The following SLFN12L variants were observed in gnomAD, a reference collection of about 807,000 sequenced individuals.
The protein encoded by SLFN12L is schlafen family member 12-like.
SLFN12L carries 34 observed loss-of-function variants against 34.8 expected under a neutral mutation model. The observed-to-expected ratio is 0.98, with a 90% CI of 0.74 to 1.30. The LOEUF (loss-of-function observed/expected upper bound fraction) is 1.30, where lower values mean the gene tolerates loss of function less well. Among genes scored for constraint, SLFN12L ranks in the 50% most tolerant of loss-of-function variants. The pLI is 0.00. For missense variants in SLFN12L, 703 were observed against 696.2 expected (o/e 1.01, Z -0.11); for synonymous variants, 259 against 247.5 (o/e 1.05, Z -0.44).
intron 2 of SLFN12L, among the ~76,000 whole-genome samples, chr17:35,497,180 C>T (rs950527489): frequency 6.6e-6 from 1 of 152,168 alleles, no homozygotes; most frequent in Non-Finnish European, 1.5e-5. Context: ...CACCTTAGGT[C>T]AGGAGTTCCA....
chr17:35,530,074 C>A (rs1047486900), intron 1 of SLFN12L, among the ~76,000 whole-genome samples: 58 of 149,544 alleles, frequency 3.9e-4, no homozygotes, highest in African/African-American at 1.4e-3. Flanking sequence ...TCATCTGTCA[C>A]GTCTTTTGGT....
rs553665405 is a variant in SLFN12L at position 35,477,469 on chromosome 17, G to A, written c.1276+606C>T. On this transcript the variant is annotated intron_variant, in intron 4 of 4. Coordinates refer to ENST00000628453, the MANE Select transcript of SLFN12L (RefSeq NM_001363830.2). ...AAACTGCTAGGGAGAATATGCCTTG[G>A]GAAAAGAGAAAATGCAAGTCATGAA... Among the ~76,000 whole-genome samples the A allele has an allele frequency of 1.3e-3, 195 of 152,120 alleles. 1 individual carries two copies. The highest frequency in any genetic ancestry group is 4.6e-3 in the African/African-American group (191 of 41,514).
At chr17:35,519,280 A>AT (rs1915930526) in intron 2 of SLFN12L, among the ~76,000 whole-genome samples, 1 of 152,194 alleles carries the variant, frequency 6.6e-6, no homozygotes, top group African/African-American at 2.4e-5. Flanking sequence ...TGGGTGCAGC[A>AT]AACTACCATG....
At chr17:35,476,261 T>C (rs183266492) in intron 4 of SLFN12L, among the ~76,000 whole-genome samples, 5 of 152,106 alleles carry the variant, frequency 3.3e-5, no homozygotes, top group Admixed American at 2.0e-4. Context: ...CAAATTTCCC[T>C]CAACTCACTG....
At chr17:35,509,689 T>TA (rs1036758167) in intron 2 of SLFN12L, among the ~76,000 whole-genome samples, 1 of 151,870 alleles carries the variant, frequency 6.6e-6, no homozygotes. Context: ...TTAAATATTT[T>TA]AAAAAAAGAG....
intron 2 of SLFN12L, chr17:35,514,971 T>G (rs1915766323): frequency 2.2e-6 from 1 of 458,340 alleles, no homozygotes; most frequent in African/African-American, 2.0e-5. Flanking sequence ...AAGCTATATC[T>G]CTTCCAGGAA....
At chr17:35,515,659 T>TTTTTGG (rs1915801400) in intron 2 of SLFN12L, among the ~76,000 whole-genome samples, 1 of 81,968 alleles carries the variant, frequency 1.2e-5, no homozygotes, top group Non-Finnish European at 2.7e-5. Flanking sequence ...TTTTTTTTTT[T>TTTTTGG]GAGATGGAGT....
At chr17:35,477,808 G>A (rs988070076) in intron 4 of SLFN12L, among the ~76,000 whole-genome samples, 1 of 152,068 alleles carries the variant, frequency 6.6e-6, no homozygotes, top group Non-Finnish European at 1.5e-5. Context: ...ATTGCTGGTG[G>A]AAGTAAAGTG....
Position 35,522,596 on chromosome 17 carries a change from G to A in SLFN12L, c.-232C>T. ...GTGCCTGCAAAACTATAGGACGCAG[G>A]GTAATCCATCGGAGACACTGCAGCC... On this transcript the variant is annotated 5_prime_UTR_variant, in exon 2 of 5. Transcript: ENST00000628453. The A allele has an allele frequency of 6.2e-7, 1 of 1,609,902 alleles. No homozygotes were observed. The highest frequency in any genetic ancestry group is 1.1e-5 in the South Asian group (1 of 90,700).
chr17:35,531,943 C>G (rs747258088), intron 1 of SLFN12L, among the ~76,000 whole-genome samples: 6 of 151,974 alleles, frequency 3.9e-5, no homozygotes, highest in Admixed American at 6.6e-5. Flanking sequence ...CCTGACAACT[C>G]TCTTCTACAT....
At position 35,478,123 on chromosome 17, in the gene SLFN12L, G is replaced by T; in HGVS notation, c.1228C>A (p.Arg410Ser). 2 of 1,545,396 alleles carry T rather than the reference G, an allele frequency of 1.3e-6. No homozygotes were observed. Among genetic ancestry groups the T allele is most frequent in the South Asian group, 2.4e-5 (2 of 83,684 alleles). The change falls in exon 4 of 5, where the codon CGT becomes AGT. Residue 410 changes from arginine to serine, a missense_variant. Physicochemically the swap from Arg to Ser is moderately radical, Grantham distance 110. Coordinates refer to ENST00000628453, the MANE Select transcript of SLFN12L (RefSeq NM_001363830.2). ...SSPVSQSYPL[R>S]EYINFKIQPL... Reference sequence around the variant, plus strand: ...TGAATTTTGAAGTTAATATATTCACGAAGAGGATAACTCTGGGAGACAGGT... The same window carrying T: ...TGAATTTTGAAGTTAATATATTCACTAAGAGGATAACTCTGGGAGACAGGT...
At chr17:35,481,681 G>A (rs72826000) in intron 2 of SLFN12L, among the ~76,000 whole-genome samples, 214 of 152,044 alleles carry the variant, frequency 1.4e-3, no homozygotes, top group Non-Finnish European at 2.2e-3. Flanking sequence ...ACCAGGCTCC[G>A]CACCTTGGTG....
At chr17:35,487,854 C>A in intron 2 of SLFN12L, 2 of 1,154,994 alleles carry the variant, frequency 1.7e-6, no homozygotes, top group South Asian at 2.6e-5. Context: ...GCACTCGACT[C>A]CCCGGAAGTG....
chr17:35,468,690 A>T lies in SLFN12L; in HGVS notation c.*6233T>A, dbSNP rs1410767200. On this transcript the variant is annotated 3_prime_UTR_variant, in exon 5 of 5. Transcript: ENST00000628453. ...CCCGCACTCCTATGCCTGAAGGAAA[A>T]TTTAATAGTAGTTACCACTACCTAC... 6.6e-6 allele frequency among the ~76,000 whole-genome samples: 1 copy of T among 152,148 alleles called. No homozygotes were observed. The highest frequency in any genetic ancestry group is 1.5e-5 in the Non-Finnish European group (1 of 68,036).
rs762197058 is a variant in SLFN12L, at chr17:35,474,745, GA to G, written c.*177del. 3.3e-4 allele frequency: 168 copies of G among 503,194 alleles called. No homozygotes were observed. The highest frequency in any genetic ancestry group is 5.4e-4 in the Non-Finnish European group (161 of 297,422). The allele number at this position is 503,194 out of a possible 1,614,324, so 31.2% of individuals were successfully genotyped here. On this transcript the variant is annotated 3_prime_UTR_variant, in exon 5 of 5. Coordinates refer to ENST00000628453, the MANE Select transcript of SLFN12L (RefSeq NM_001363830.2). ...TCAAGACCAGCCTGGCCAAGACGGT[GA>G]AACCCCATCTCTGCTAAAAATACAA...
At position 35,479,929 on chromosome 17, in the gene SLFN12L, C is replaced by T. The variant is rs756013529; in HGVS notation, c.353G>A (p.Gly118Glu). The T allele has an allele frequency of 3.1e-6, 5 of 1,614,078 alleles. No individual in the cohort carries two copies. The Admixed American group carries it at 8.3e-5, about 27-fold the overall frequency. ...KGYSYKKDGI[G>E]LDLENSFSNM... is the part of the protein sequence containing the mutation. ...ACTAAAAGAATTTTCCAAATCTAGCCCTATTCCATCTTTTTTATAACTATA... is the reference window on the plus strand; with the variant it reads ...ACTAAAAGAATTTTCCAAATCTAGCTCTATTCCATCTTTTTTATAACTATA... The change falls in exon 3 of 5, where the codon GGG becomes GAG. Residue 118 changes from glycine to glutamate, a missense_variant. Coordinates refer to ENST00000628453, the MANE Select transcript of SLFN12L (RefSeq NM_001363830.2).
chr17:35,497,859 C>T (rs1368569679), intron 2 of SLFN12L, among the ~76,000 whole-genome samples: 3 of 151,932 alleles, frequency 2.0e-5, no homozygotes, highest in African/African-American at 7.3e-5. Flanking sequence ...ATACTAAAAC[C>T]CTCTCAATCT....
At chr17:35,532,960 TG>T (rs1567696305) in intron 1 of SLFN12L, among the ~76,000 whole-genome samples, 4 of 152,180 alleles carry the variant, frequency 2.6e-5, no homozygotes, top group African/African-American at 9.7e-5. Context: ...AAATATATAT[TG>T]TTTGACACAC....
In SLFN12L at chr17:35,469,317, T is replaced by A. The variant is rs1487233407; in HGVS notation, c.*5606A>T. 1.5e-5 allele frequency among the ~76,000 whole-genome samples: 2 copies of A among 130,976 alleles called. No homozygotes were observed. Among genetic ancestry groups the A allele is most frequent in the Non-Finnish European group, 3.2e-5 (2 of 62,776 alleles). The allele number at this position is 130,976 out of a possible 152,430, so 85.9% of individuals were successfully genotyped here. On this transcript the variant is annotated 3_prime_UTR_variant, in exon 5 of 5. Coordinates refer to ENST00000628453, the MANE Select transcript of SLFN12L (RefSeq NM_001363830.2). The stretch of plus-strand genomic sequence containing the variant: ...ATATATATATAAAATATATATATAT[T>A]ATATATATAAATATATATATAATAT...
Sources: gnomAD v4.1 joint callset for allele counts (sites outside exome capture counted in the v4.1 genomes callset) on GRCh38, gnomAD v4.1.1 for gene constraint, MANE v1.5 for transcripts, NCBI Gene and HGNC (gene_info 2026-07-23, HGNC 2026-07-21) for gene names.